GTSF1: variants seen among roughly 807,000 people sequenced by gnomAD.
The protein encoded by GTSF1 is gametocyte-specific factor 1.
Under a neutral mutation model 28.9 loss-of-function variants are expected in GTSF1, and 11 were observed. That is an observed-to-expected ratio of 0.38 (90% CI 0.24 to 0.63). GTSF1 has a LOEUF of 0.63. Ranked by LOEUF, GTSF1 falls within the 30% of genes least tolerant of loss-of-function variation. The probability of loss-of-function intolerance (pLI) is 0.56; values close to 1 mark genes in which losing one functional copy is unlikely to be tolerated. For synonymous variants in GTSF1, 69 were observed against 65.6 expected (o/e 1.05, Z -0.25); for missense variants, 146 against 201.0 (o/e 0.73, Z 1.66).
At position 54,464,047 on chromosome 12, in the gene GTSF1, G is replaced by A. The variant is rs73308575; in HGVS notation, c.118-750C>T. Among the ~76,000 whole-genome samples, 655 of 152,150 alleles carry A rather than the reference G, an allele frequency of 4.3e-3. 11 individuals are homozygous for A. The highest frequency in any genetic ancestry group is 0.015 in the African/African-American group (636 of 41,522). On this transcript the variant is annotated intron_variant, in intron 3 of 8. Transcript: ENST00000305879. The stretch of plus-strand genomic sequence containing the variant: ...AAAAGATATGTCATAAATGAAACTC[G>A]GAAAAGTAAAAATAATATGAAGTAG...
chr12:54,456,912 C>A (rs1363197839), intron 8 of GTSF1, among the ~76,000 whole-genome samples: 5 of 152,060 alleles, frequency 3.3e-5, no homozygotes, highest in Non-Finnish European at 5.9e-5. Context: ...TGGTGAAACA[C>A]CATCTCTACT....
chr12:54,458,962 A>G (rs1956377193), intron 8 of GTSF1, 127 bp downstream of exon 8: 1 of 592,626 alleles, frequency 1.7e-6, no homozygotes, highest in Non-Finnish European at 3.0e-6. Flanking sequence ...TACTTAAAAA[A>G]CACATGCACA....
chr12:54,458,989 G>C, intron 8 of GTSF1, 100 bp downstream of exon 8: 1 of 746,538 alleles, frequency 1.3e-6, no homozygotes, highest in Non-Finnish European at 2.3e-6. Flanking sequence ...GCTTTAATTT[G>C]GTACCATAAT....
At position 54,459,095 on chromosome 12, in the gene GTSF1, A is replaced by G. The variant is rs761378154; in HGVS notation, c.*14T>C. ...ATAAAACTGAAACACTTACTTGATG[A>G]GATAGGTATTCAGTTACTGTGCATT... On this transcript the variant is annotated 3_prime_UTR_variant, in exon 8 of 9. Coordinates refer to ENST00000305879, the MANE Select transcript of GTSF1 (RefSeq NM_144594.3). The G allele has an allele frequency of 1.4e-5, 23 of 1,598,774 alleles. No homozygotes were observed. In the South Asian group the frequency reaches 2.3e-4, roughly 16 times the overall value.
At chr12:54,463,545 T>C (rs1217990875) in intron 3 of GTSF1, among the ~76,000 whole-genome samples, 2 of 152,214 alleles carry the variant, frequency 1.3e-5, no homozygotes, top group African/African-American at 4.8e-5. Context: ...ACACAGATAT[T>C]GTTAGCTAAA....
intron 3 of GTSF1, 70 bp downstream of exon 3, chr12:54,464,996 AT>A (rs1956487283): frequency 5.8e-6 from 5 of 864,550 alleles, no homozygotes; most frequent in Non-Finnish European, 9.3e-6. Context: ...TGATAAAATT[AT>A]TTGATATTTA....
At chr12:54,461,412 T>G (rs1956421269) in intron 6 of GTSF1, among the ~76,000 whole-genome samples, 1 of 152,124 alleles carries the variant, frequency 6.6e-6, no homozygotes, top group Admixed American at 6.6e-5. Context: ...CAATTAGAGC[T>G]GGGCATGAGC....
intron 1 of GTSF1, chr12:54,472,238 C>A (rs1453177269): frequency 6.6e-6 from 1 of 152,210 alleles, no homozygotes. Flanking sequence ...CACTAGTTCA[C>A]CATTTTCATG....
chr12:54,471,120 T>C (rs1956588176), intron 2 of GTSF1, 113 bp downstream of exon 2: 2 of 695,220 alleles, frequency 2.9e-6, no homozygotes, highest in South Asian at 6.3e-5. Context: ...AGACTTTTCC[T>C]CCTTAGCAGT....
chr12:54,460,932 C>A (rs1956411073), intron 6 of GTSF1, among the ~76,000 whole-genome samples: 1 of 152,132 alleles, frequency 6.6e-6, no homozygotes, highest in Admixed American at 6.5e-5. Flanking sequence ...ATTTACTGTT[C>A]TCAGTAGTTA....
At chr12:54,465,704 T>C (rs1956501934) in intron 2 of GTSF1, among the ~76,000 whole-genome samples, 1 of 152,130 alleles carries the variant, frequency 6.6e-6, no homozygotes, top group South Asian at 2.1e-4. Flanking sequence ...AAGATACTAG[T>C]AATAGCATCT....
intron 2 of GTSF1, among the ~76,000 whole-genome samples, chr12:54,470,786 G>A (rs1410073309): frequency 6.6e-6 from 1 of 152,122 alleles, no homozygotes; most frequent in Non-Finnish European, 1.5e-5. Flanking sequence ...GTCCCTTTTG[G>A]TTCTACACTT....
intron 3 of GTSF1, among the ~76,000 whole-genome samples, chr12:54,464,048 G>A (rs1400543103): frequency 1.3e-5 from 2 of 152,124 alleles, no homozygotes; most frequent in Non-Finnish European, 2.9e-5. Context: ...ATGAAACTCG[G>A]AAAAGTAAAA....
At chr12:54,466,181 A>G (rs1956510189) in intron 2 of GTSF1, among the ~76,000 whole-genome samples, 1 of 152,220 alleles carries the variant, frequency 6.6e-6, no homozygotes, top group Non-Finnish European at 1.5e-5. Context: ...AAGGAAGGGA[A>G]ATTAAATGGT....
At chr12:54,460,286 G>T in intron 7 of GTSF1, 91 bp downstream of exon 7, 2 of 889,910 alleles carry the variant, frequency 2.2e-6, no homozygotes, top group East Asian at 2.5e-5. Flanking sequence ...GGAAATGCAA[G>T]GTGTTCAGAC....
chr12:54,460,533 G>A, intron 6 of GTSF1, 62 bp from the exon 7 acceptor site: 2 of 1,086,624 alleles, frequency 1.8e-6, no homozygotes, highest in Non-Finnish European at 2.8e-6. Flanking sequence ...GCACACGTAA[G>A]ATAATCAAAA....
intron 1 of GTSF1, 24 bp from the exon 2 acceptor site, chr12:54,471,301 C>G (rs1956591396): frequency 2.0e-6 from 3 of 1,535,354 alleles, no homozygotes; most frequent in African/African-American, 2.8e-5. Flanking sequence ...AAGTGTGATT[C>G]AGGAAATCAG....
chr12:54,465,239 C>G (rs1280176411), intron 2 of GTSF1, 72 bp from the exon 3 acceptor site: 2 of 990,938 alleles, frequency 2.0e-6, no homozygotes, highest in Admixed American at 1.8e-5. Flanking sequence ...TCCAGGCACA[C>G]TGGATTTTTT....
chr12:54,462,350 C>T (rs1344610873), intron 5 of GTSF1, among the ~76,000 whole-genome samples, 178 bp from the exon 6 acceptor site: 2 of 152,164 alleles, frequency 1.3e-5, no homozygotes, highest in African/African-American at 2.4e-5. Context: ...AGAATATAAA[C>T]ACAAGCAACA....
Sources: allele counts gnomAD v4.1 joint callset (sites outside exome capture counted in the v4.1 genomes callset), GRCh38; gene constraint gnomAD v4.1.1; transcripts MANE v1.5; gene names NCBI Gene and HGNC (gene_info 2026-07-23, HGNC 2026-07-21).